CDH12: variants seen among roughly 807,000 people sequenced by gnomAD.
The protein encoded by CDH12 is cadherin 12, also known as cadherin-12.
In CDH12, 41 loss-of-function variants were observed where a neutral mutation model predicts 74.1. The observed-to-expected ratio is 0.55, with a 90% CI of 0.43 to 0.72. CDH12 has a LOEUF of 0.72. CDH12 is among the 30% of genes least tolerant of loss of function. The pLI is 0.00. For missense variants in CDH12, 945 were observed against 977.2 expected, an observed-to-expected ratio of 0.97 and a Z score of 0.44; for synonymous variants, 399 against 355.0, an observed-to-expected ratio of 1.12 and a Z score of -1.39.
chr5:22,851,568 A>G (rs1456422241), intron 1 of CDH12, among the ~76,000 whole-genome samples: 3 of 152,172 alleles, frequency 2.0e-5, no homozygotes, highest in African/African-American at 7.2e-5. Context: ...AGTAGTTTTC[A>G]TAGAAGGTGG....
intron 3 of CDH12, among the ~76,000 whole-genome samples, chr5:22,363,952 A>G (rs1740927790): frequency 6.6e-6 from 1 of 152,204 alleles, no homozygotes; most frequent in South Asian, 2.1e-4. Context: ...TTTCATAAAC[A>G]TGGGCTTTTA....
chr5:22,223,481 C>A (rs1489922297), intron 3 of CDH12, among the ~76,000 whole-genome samples: 1 of 151,978 alleles, frequency 6.6e-6, no homozygotes, highest in African/African-American at 2.4e-5. Flanking sequence ...GAAGGGGCTG[C>A]ACCATTAAGT....
At chr5:22,082,799 C>A (rs1313216231) in intron 4 of CDH12, among the ~76,000 whole-genome samples, 1 of 152,106 alleles carries the variant, frequency 6.6e-6, no homozygotes, top group Non-Finnish European at 1.5e-5. Context: ...GAACATGATG[C>A]CCATTTCCCT....
chr5:22,711,327 A>G (rs1743275159), intron 1 of CDH12, among the ~76,000 whole-genome samples: 1 of 152,114 alleles, frequency 6.6e-6, no homozygotes, highest in African/African-American at 2.4e-5. Flanking sequence ...GATAAACAAA[A>G]CAGCAAGGAG....
In CDH12 at chr5:22,787,279, A is replaced by G. The variant is rs1048358744; in HGVS notation, c.-523+65779T>C. Among the ~76,000 whole-genome samples the G allele has an allele frequency of 2.0e-5, 3 of 152,164 alleles. No individual in the cohort carries two copies. In the East Asian group the frequency reaches 5.8e-4, roughly 29 times the overall value. On this transcript the variant is annotated intron_variant, in intron 1 of 14. Transcript: ENST00000382254. The stretch of plus-strand genomic sequence containing the variant: ...TCTTCTATAACATTCTGTCCTAATT[A>G]ATTCCCTTTTAATTAAGTCCATACT...
chr5:22,314,670 G>C (rs2150431514), intron 3 of CDH12, among the ~76,000 whole-genome samples: 1 of 152,216 alleles, frequency 6.6e-6, no homozygotes, highest in Non-Finnish European at 1.5e-5. Flanking sequence ...GCTGAGTGAA[G>C]GGCGCTACAC....
intron 3 of CDH12, among the ~76,000 whole-genome samples, chr5:22,322,126 G>A (rs535028770): frequency 3.3e-5 from 5 of 152,098 alleles, no homozygotes; most frequent in African/African-American, 9.6e-5. Context: ...TAGGATGAGA[G>A]TCAGGAAAAC....
At chr5:22,831,902 A>C (rs544400322) in intron 1 of CDH12, among the ~76,000 whole-genome samples, 27 of 151,286 alleles carry the variant, frequency 1.8e-4, no homozygotes, top group African/African-American at 4.6e-4. Context: ...GTCCCCCCCA[A>C]AAAAAAAATT....
At chr5:22,172,810 C>A (rs7380060) in intron 4 of CDH12, among the ~76,000 whole-genome samples, 149,379 of 151,602 alleles carry the variant, frequency 0.99, 73,625 homozygotes, top group East Asian at 1. Context: ...AATTTTAAAT[C>A]TATATTAATG....
intron 1 of CDH12, among the ~76,000 whole-genome samples, chr5:22,774,834 T>A (rs2099777486): frequency 6.6e-6 from 1 of 151,292 alleles, no homozygotes; most frequent in Admixed American, 6.6e-5. Flanking sequence ...ACTATTAGAG[T>A]GGGGAGAAAA....
chr5:22,114,832 G>T (rs764535425), intron 4 of CDH12, among the ~76,000 whole-genome samples: 8 of 152,050 alleles, frequency 5.3e-5, no homozygotes, highest in African/African-American at 1.2e-4. Flanking sequence ...TTTCTGAGAG[G>T]GAGAAATCAA....
chr5:22,001,148 A>G (rs1423206947), intron 5 of CDH12, among the ~76,000 whole-genome samples: 1 of 152,182 alleles, frequency 6.6e-6, no homozygotes, highest in African/African-American at 2.4e-5. Flanking sequence ...ACATTAAATC[A>G]TAAGACAATG....
chr5:22,811,996 G>T (rs1369444399), intron 1 of CDH12, among the ~76,000 whole-genome samples: 1 of 151,892 alleles, frequency 6.6e-6, no homozygotes, highest in African/African-American at 2.4e-5. Flanking sequence ...GGCTCTTTAG[G>T]GGCAAATAAA....
At chr5:21,977,684 T>C (rs1757129255) in intron 5 of CDH12, among the ~76,000 whole-genome samples, 1 of 152,170 alleles carries the variant, frequency 6.6e-6, no homozygotes, top group Non-Finnish European at 1.5e-5. Flanking sequence ...TCTTTAGTTA[T>C]ATCCAAGTTC....
At chr5:21,927,135 G>C (rs1312347610) in intron 6 of CDH12, among the ~76,000 whole-genome samples, 1 of 152,126 alleles carries the variant, frequency 6.6e-6, no homozygotes, top group Admixed American at 6.5e-5. Context: ...TAAGTAGAGA[G>C]GCAGAGTTAG....
At chr5:22,172,865 T>C (rs1199417380) in intron 4 of CDH12, among the ~76,000 whole-genome samples, 2 of 151,688 alleles carry the variant, frequency 1.3e-5, no homozygotes, top group African/African-American at 4.8e-5. Context: ...GTTCATTAGA[T>C]GCTGTGTCAT....
intron 1 of CDH12, among the ~76,000 whole-genome samples, chr5:22,712,985 T>C (rs1208999956): frequency 1.3e-5 from 2 of 152,064 alleles, no homozygotes; most frequent in African/African-American, 2.4e-5. Context: ...TAATGAGCTC[T>C]ACGATAGTGG....
intron 4 of CDH12, among the ~76,000 whole-genome samples, chr5:22,120,461 A>G (rs1317277335): frequency 1.3e-5 from 2 of 152,196 alleles, no homozygotes; most frequent in East Asian, 1.9e-4. Context: ...CAAGCTCCAC[A>G]AGCAAGAGAG....
intron 1 of CDH12, among the ~76,000 whole-genome samples, chr5:22,800,122 T>C (rs143633400): frequency 9.1e-4 from 138 of 152,272 alleles, no homozygotes; most frequent in Non-Finnish European, 1.6e-3. Flanking sequence ...GGAATAAACA[T>C]TGCCAGATGA....
Sources: gnomAD v4.1 joint callset for allele counts (sites outside exome capture counted in the v4.1 genomes callset) on GRCh38, gnomAD v4.1.1 for gene constraint, MANE v1.5 for transcripts, NCBI Gene and HGNC (gene_info 2026-07-23, HGNC 2026-07-21) for gene names.